The following CBFB variants were observed in gnomAD, a reference collection of about 807,000 sequenced individuals.
CBFB encodes the protein core-binding factor subunit beta.
CBFB carries 9 observed loss-of-function variants against 30.4 expected under a neutral mutation model. The observed-to-expected ratio is 0.30, with a 90% CI of 0.18 to 0.52. The LOEUF (loss-of-function observed/expected upper bound fraction) is 0.52, where lower values mean the gene tolerates loss of function less well. Ranked by LOEUF, CBFB falls within the 20% of genes least tolerant of loss-of-function variation. The pLI, the probability that CBFB is intolerant of heterozygous loss-of-function variation, is 0.97. For missense variants in CBFB, 170 were observed against 244.0 expected (o/e 0.70, Z 2.02); for synonymous variants, 94 against 84.0 (o/e 1.12, Z -0.65).
intron 3 of CBFB, among the ~76,000 whole-genome samples, chr16:67,056,801 C>T (rs1196114436): frequency 6.6e-6 from 1 of 152,056 alleles, no homozygotes; most frequent in Non-Finnish European, 1.5e-5. Context: ...CCTGCCTCAG[C>T]CTCCTGAGTA....
intron 5 of CBFB, among the ~76,000 whole-genome samples, chr16:67,096,989 T>C (rs562791798): frequency 6.6e-6 from 1 of 151,236 alleles, no homozygotes; most frequent in East Asian, 1.9e-4. Context: ...ATTCCAGCAC[T>C]TTGGGAGGCC....
intron 2 of CBFB, among the ~76,000 whole-genome samples, chr16:67,033,542 A>G (rs185778839): frequency 1.3e-5 from 2 of 150,460 alleles, no homozygotes; most frequent in Admixed American, 6.6e-5. Context: ...CTGGTCTCCA[A>G]CTGCTGGCCT....
chr16:67,057,036 G>T (rs527746289), intron 3 of CBFB, among the ~76,000 whole-genome samples: 2 of 151,144 alleles, frequency 1.3e-5, no homozygotes. Context: ...AGGCTGGGGT[G>T]CAGTGGTGCA....
At chr16:67,042,710 A>G (rs1351508470) in intron 3 of CBFB, among the ~76,000 whole-genome samples, 2 of 152,162 alleles carry the variant, frequency 1.3e-5, no homozygotes, top group Admixed American at 6.5e-5. Context: ...CATAGAGAGA[A>G]AAAGAGTGAA....
chr16:67,063,841 CAAA>C (rs1960979317), intron 3 of CBFB, among the ~76,000 whole-genome samples: 2 of 151,868 alleles, frequency 1.3e-5, no homozygotes, highest in Non-Finnish European at 2.9e-5. Context: ...TCTCTAAAAA[CAAA>C]AAGAATCCAA....
intron 3 of CBFB, among the ~76,000 whole-genome samples, chr16:67,038,302 GTA>G (rs1368374089): frequency 2.0e-5 from 3 of 149,930 alleles, no homozygotes; most frequent in East Asian, 2.0e-4. Flanking sequence ...ATATATACAC[GTA>G]TATATGTGTA....
intron 4 of CBFB, among the ~76,000 whole-genome samples, chr16:67,067,426 G>A (rs891932217): frequency 5.9e-5 from 9 of 152,152 alleles, no homozygotes; most frequent in Admixed American, 2.0e-4. Context: ...GTTGAGGCAC[G>A]AGAATCGCTC....
chr16:67,082,932 AATGAATT>A (rs1396816009), intron 5 of CBFB, among the ~76,000 whole-genome samples: 1 of 152,220 alleles, frequency 6.6e-6, no homozygotes, highest in Non-Finnish European at 1.5e-5. Context: ...TCTATAGCCC[AATGAATT>A]ACTGTAAGGT....
chr16:67,050,828 A>T (rs1274078656), intron 3 of CBFB, among the ~76,000 whole-genome samples: 3 of 152,182 alleles, frequency 2.0e-5, no homozygotes, highest in South Asian at 2.1e-4. Flanking sequence ...AAAGTGGAAC[A>T]CTAATAACAA....
rs1962148244 is a variant in CBFB, at chr16:67,099,256, T to TTG, written c.*482_*483dup. 4.3e-6 allele frequency: 1 copy of TTG among 232,228 alleles called. No homozygotes were observed. Among genetic ancestry groups the TTG allele is most frequent in the African/African-American group, 2.2e-5 (1 of 45,288 alleles). The allele number at this position is 232,228 out of a possible 1,614,324, so 14.4% of individuals were successfully genotyped here. A position where few individuals can be genotyped will look rare whatever the true frequency, so the allele number is the denominator to read the frequency against. The stretch of plus-strand genomic sequence containing the variant: ...TTTGTTTTGTTTGCCCCATTTCCTT[T>TTG]TGTGTTTTTATAGTCTATAGCATTT... On this transcript the variant is annotated 3_prime_UTR_variant, in exon 6 of 6. Coordinates refer to ENST00000412916, the MANE Select transcript of CBFB (RefSeq NM_022845.3).
intron 3 of CBFB, among the ~76,000 whole-genome samples, chr16:67,046,377 A>G (rs139725540): frequency 1.3e-5 from 2 of 152,316 alleles, no homozygotes; most frequent in East Asian, 3.9e-4. Context: ...CTGGGATTAC[A>G]GGCATGTACC....
At chr16:67,029,614 G>A (rs948691854) in intron 1 of CBFB, 113 bp from the exon 2 acceptor site, 20 of 1,307,814 alleles carry the variant, frequency 1.5e-5, no homozygotes, top group Non-Finnish European at 1.8e-5. Flanking sequence ...ATCTCGCCGG[G>A]GCGGCCATCG....
chr16:67,095,210 CAAAAAAAAA>C (rs71145959), intron 5 of CBFB, among the ~76,000 whole-genome samples: 6 of 27,096 alleles, frequency 2.2e-4, no homozygotes, highest in East Asian at 1.5e-3. Flanking sequence ...AAGTGTGTCT[CAAAAAAAAA>C]AAAAAAAAAA....
chr16:67,081,067 G>A (rs909898188), intron 4 of CBFB, among the ~76,000 whole-genome samples: 2 of 151,450 alleles, frequency 1.3e-5, no homozygotes, highest in African/African-American at 2.4e-5. Context: ...ATGCTGGTGC[G>A]CTGCAGCCAC....
At chr16:67,069,405 C>T (rs1961154831) in intron 4 of CBFB, among the ~76,000 whole-genome samples, 1 of 151,574 alleles carries the variant, frequency 6.6e-6, no homozygotes, top group Non-Finnish European at 1.5e-5. Context: ...TTGGAAAGTA[C>T]AGTAGTAACA....
At chr16:67,059,771 G>A (rs1161973361) in intron 3 of CBFB, among the ~76,000 whole-genome samples, 1 of 151,810 alleles carries the variant, frequency 6.6e-6, no homozygotes, top group Non-Finnish European at 1.5e-5. Context: ...TGCTTACTCT[G>A]GGGGTCTCTT....
intron 2 of CBFB, among the ~76,000 whole-genome samples, chr16:67,033,821 T>G (rs1248684930): frequency 1.4e-5 from 2 of 140,196 alleles, no homozygotes; most frequent in Admixed American, 1.4e-4. Flanking sequence ...TCACCGTTGT[T>G]TTTTTTTTTT....
chr16:67,037,666 ATTTTTTTTTTTT>A (rs35804914), intron 3 of CBFB, among the ~76,000 whole-genome samples: 1 of 129,294 alleles, frequency 7.7e-6, no homozygotes, highest in African/African-American at 3.1e-5. Flanking sequence ...GATTTTGGTA[ATTTTTTTTTTTT>A]TTTTTTTGAG....
chr16:67,082,429 A>C (rs561236426), intron 5 of CBFB, 121 bp downstream of exon 5: 2 of 1,233,284 alleles, frequency 1.6e-6, no homozygotes, highest in East Asian at 4.9e-5. Flanking sequence ...TCATTTTTAA[A>C]AAGTTGTACT....
Sources: allele counts gnomAD v4.1 joint callset (sites outside exome capture counted in the v4.1 genomes callset), GRCh38; gene constraint gnomAD v4.1.1; transcripts MANE v1.5; gene names NCBI Gene and HGNC (gene_info 2026-07-23, HGNC 2026-07-21).